Variants in CNTN3 observed in about 807,000 individuals in gnomAD.
The protein encoded by CNTN3 is contactin-3.
CNTN3 carries 60 observed loss-of-function variants against 119.1 expected under a neutral mutation model. The ratio of observed to expected loss-of-function variants is 0.50; its 90% confidence interval spans 0.41 to 0.62. The LOEUF is 0.62. Among genes scored for constraint, CNTN3 ranks in the 20% least tolerant of loss-of-function variants. The pLI, the probability that CNTN3 is intolerant of heterozygous loss-of-function variation, is 0.00. For synonymous variants in CNTN3, 450 were observed against 438.7 expected (o/e 1.03, Z -0.32); for missense variants, 1,101 against 1,242.4 (o/e 0.89, Z 1.71).
At chr3:74,537,345 A>T (rs1462027586) in intron 1 of CNTN3, among the ~76,000 whole-genome samples, 1 of 152,154 alleles carries the variant, frequency 6.6e-6, no homozygotes, top group Non-Finnish European at 1.5e-5. Flanking sequence ...TCCATATCAG[A>T]CCATGTGGGG....
At chr3:74,584,571 A>T (rs1052522549) in intron 1 of CNTN3, among the ~76,000 whole-genome samples, 1 of 152,078 alleles carries the variant, frequency 6.6e-6, no homozygotes, top group Admixed American at 6.6e-5. Context: ...TGCCAGCACC[A>T]TGCTTCTTGT....
intron 13 of CNTN3, among the ~76,000 whole-genome samples, chr3:74,322,286 TCTTAAAA>T (rs1182254761): frequency 1.3e-5 from 2 of 151,460 alleles, no homozygotes; most frequent in African/African-American, 4.8e-5. Flanking sequence ...TAGAAAAATC[TCTTAAAA>T]CTTCCCAATA....
At chr3:74,557,962 G>A (rs1018246479) in intron 1 of CNTN3, among the ~76,000 whole-genome samples, 6 of 152,088 alleles carry the variant, frequency 3.9e-5, no homozygotes, top group Non-Finnish European at 8.8e-5. Flanking sequence ...CACAAGGGGT[G>A]GACTGTAATA....
intron 5 of CNTN3, among the ~76,000 whole-genome samples, chr3:74,420,481 C>T (rs1008797777): frequency 6.6e-6 from 1 of 152,158 alleles, no homozygotes; most frequent in Non-Finnish European, 1.5e-5. Flanking sequence ...AAACTTACTG[C>T]ACTAAAAGGA....
intron 5 of CNTN3, among the ~76,000 whole-genome samples, chr3:74,419,943 C>G (rs538644937): frequency 6.6e-6 from 1 of 152,140 alleles, no homozygotes; most frequent in Non-Finnish European, 1.5e-5. Flanking sequence ...GTAATTAACA[C>G]GAACTCCCAG....
chr3:74,447,973 C>T (rs1392214404), intron 4 of CNTN3, among the ~76,000 whole-genome samples: 1 of 152,156 alleles, frequency 6.6e-6, no homozygotes, highest in East Asian at 1.9e-4. Flanking sequence ...ATTGGATGAT[C>T]CATGTAGACC....
rs79514855 is a variant in CNTN3, at chr3:74,566,258, T to G, written c.-80-45066A>C. ...AAAGGAAACCAACCTAAGATGGTGA[T>G]GCAGCCTAAATTTAGCAACAGCTGA... On this transcript the variant is annotated intron_variant, in intron 1 of 22. Coordinates refer to ENST00000263665, the MANE Select transcript of CNTN3 (RefSeq NM_020872.3). 1.1e-4 allele frequency among the ~76,000 whole-genome samples: 16 copies of G among 152,260 alleles called. No individual in the cohort carries two copies. The East Asian group carries it at 3.1e-3, about 29-fold the overall frequency.
At chr3:74,452,392 T>C (rs1575739547) in intron 4 of CNTN3, among the ~76,000 whole-genome samples, 2 of 133,246 alleles carry the variant, frequency 1.5e-5, no homozygotes, top group East Asian at 4.5e-4. Flanking sequence ...CTGAAGTTGC[T>C]TATCAGCTTA....
chr3:74,392,544 G>T (rs374233096), intron 5 of CNTN3, among the ~76,000 whole-genome samples: 13 of 152,142 alleles, frequency 8.5e-5, no homozygotes, highest in Admixed American at 7.2e-4. Context: ...ATATTAGGTC[G>T]AGAGAATATT....
At chr3:74,344,355 T>C (rs1305057765) in intron 11 of CNTN3, among the ~76,000 whole-genome samples, 1 of 150,218 alleles carries the variant, frequency 6.7e-6, no homozygotes, top group African/African-American at 2.4e-5. Context: ...TTTATTAATA[T>C]CCATCAATAT....
At chr3:74,523,468 C>G (rs1325694975) in intron 1 of CNTN3, among the ~76,000 whole-genome samples, 1 of 151,840 alleles carries the variant, frequency 6.6e-6, no homozygotes, top group African/African-American at 2.4e-5. Context: ...GCACTAAAGT[C>G]TAGGGACAAT....
intron 1 of CNTN3, among the ~76,000 whole-genome samples, chr3:74,539,172 T>C (rs1366848696): frequency 6.6e-6 from 1 of 152,130 alleles, no homozygotes; most frequent in African/African-American, 2.4e-5. Context: ...ACAGGATAGA[T>C]GAAGACACTG....
At chr3:74,437,580 A>G (rs951049700) in intron 4 of CNTN3, among the ~76,000 whole-genome samples, 3 of 152,204 alleles carry the variant, frequency 2.0e-5, no homozygotes, top group Admixed American at 6.5e-5. Context: ...TTGATTATGG[A>G]TGTTAATTTT....
At chr3:74,321,147 G>T (rs986462143) in intron 13 of CNTN3, among the ~76,000 whole-genome samples, 1 of 151,994 alleles carries the variant, frequency 6.6e-6, no homozygotes, top group Non-Finnish European at 1.5e-5. Context: ...AGGAGGACTG[G>T]GGGCACAAGA....
intron 5 of CNTN3, among the ~76,000 whole-genome samples, chr3:74,422,253 T>C (rs1374662516): frequency 6.6e-6 from 1 of 152,152 alleles, no homozygotes; most frequent in Admixed American, 6.5e-5. Context: ...TTTTAGCATC[T>C]AAATCTGTAC....
chr3:74,453,982 G>T (rs1256984053), intron 4 of CNTN3, among the ~76,000 whole-genome samples: 2 of 150,446 alleles, frequency 1.3e-5, no homozygotes, highest in African/African-American at 4.9e-5. Context: ...AAAAATGTAT[G>T]TTCTGTTGAT....
chr3:74,363,258 T>A (rs1443516542), intron 10 of CNTN3, among the ~76,000 whole-genome samples: 1 of 152,182 alleles, frequency 6.6e-6, no homozygotes, highest in African/African-American at 2.4e-5. Flanking sequence ...AGATGATGCA[T>A]TTCTAACTGC....
chr3:74,503,720 T>C (rs72883654), intron 2 of CNTN3, among the ~76,000 whole-genome samples: 2 of 152,162 alleles, frequency 1.3e-5, no homozygotes, highest in Admixed American at 1.3e-4. Context: ...GCCTTTTGCC[T>C]AACTAATGGA....
intron 5 of CNTN3, among the ~76,000 whole-genome samples, chr3:74,422,730 C>T (rs1400301659): frequency 6.6e-6 from 1 of 152,108 alleles, no homozygotes; most frequent in Non-Finnish European, 1.5e-5. Flanking sequence ...GACTACCCAG[C>T]TATTATGTTA....
Sources: gnomAD v4.1 joint callset for allele counts (sites outside exome capture counted in the v4.1 genomes callset) on GRCh38, gnomAD v4.1.1 for gene constraint, MANE v1.5 for transcripts, NCBI Gene and HGNC (gene_info 2026-07-23, HGNC 2026-07-21) for gene names.